Variants in CCND2 observed in about 807,000 individuals in gnomAD.
The protein encoded by CCND2 is cyclin D2.
A neutral mutation model predicts 30.2 loss-of-function variants in CCND2; 6 were observed. The observed-to-expected ratio is 0.20, with a 90% CI of 0.11 to 0.39. The LOEUF (loss-of-function observed/expected upper bound fraction) is 0.39. CCND2 is among the 10% of genes least tolerant of loss of function. The probability of loss-of-function intolerance (pLI) is 1.00; values close to 1 mark genes in which losing one functional copy is unlikely to be tolerated. For missense variants in CCND2, 235 were observed against 373.4 expected (o/e 0.63, Z 3.06); for synonymous variants, 150 against 153.1 (o/e 0.98, Z 0.15).
chr12:4,300,919 G>A lies in CCND2; in HGVS notation c.*910G>A, dbSNP rs1168419796. Reference sequence around the variant, plus strand: ...TCTTAGAAAAAAACTAATTTTTGGTGCTGATTGGCATGTCTGGTTCACAGT... The same window carrying A: ...TCTTAGAAAAAAACTAATTTTTGGTACTGATTGGCATGTCTGGTTCACAGT... On this transcript the variant is annotated 3_prime_UTR_variant, in exon 5 of 5. Transcript: ENST00000261254. The A allele has an allele frequency of 4.3e-6, 1 of 233,594 alleles. No homozygotes were observed. Among genetic ancestry groups the A allele is most frequent in the African/African-American group, 2.2e-5 (1 of 45,342 alleles). The allele number at this position is 233,594 out of a possible 1,614,324, so 14.5% of individuals were successfully genotyped here. A position where few individuals can be genotyped will look rare whatever the true frequency, so the allele number is the denominator to read the frequency against.
intron 3 of CCND2, among the ~76,000 whole-genome samples, chr12:4,286,391 G>C (rs1864022895): frequency 6.6e-6 from 1 of 152,234 alleles, no homozygotes; most frequent in Admixed American, 6.5e-5. Context: ...TCCCACGTCT[G>C]GACCTAGCTG....
chr12:4,275,969 C>A (rs201572845), intron 1 of CCND2, 36 bp from the exon 2 acceptor site: 2 of 1,237,588 alleles, frequency 1.6e-6, no homozygotes, highest in Non-Finnish European at 2.3e-6. Context: ...ATGCTCTCCA[C>A]CCCCGCCCCC....
At chr12:4,280,544 C>T (rs563713956) in intron 3 of CCND2, among the ~76,000 whole-genome samples, 1 of 152,352 alleles carries the variant, frequency 6.6e-6, no homozygotes, top group East Asian at 1.9e-4. Flanking sequence ...CCCTGTGGAC[C>T]CCTGCTGCCT....
At chr12:4,281,067 G>A (rs541694586) in intron 3 of CCND2, among the ~76,000 whole-genome samples, 1 of 152,326 alleles carries the variant, frequency 6.6e-6, no homozygotes, top group South Asian at 2.1e-4. Flanking sequence ...CAGTTATAAA[G>A]ACTGTGTTTT....
At chr12:4,278,952 G>A in intron 3 of CCND2, 33 bp downstream of exon 3, 1 of 1,589,638 alleles carries the variant, frequency 6.3e-7, no homozygotes, top group East Asian at 2.3e-5. Flanking sequence ...GAGGGAGATG[G>A]GGGAGCTCTT....
chr12:4,297,336 C>T (rs927968439), intron 4 of CCND2, among the ~76,000 whole-genome samples: 4 of 152,036 alleles, frequency 2.6e-5, no homozygotes, highest in Admixed American at 2.6e-4. Context: ...CTTCGGGAGG[C>T]CAAGGCGGGC....
chr12:4,302,017 A>G lies in CCND2; in HGVS notation c.*2008A>G. 1 of 232,454 alleles carries G rather than the reference A, an allele frequency of 4.3e-6. No homozygotes were observed. Among genetic ancestry groups the G allele is most frequent in the East Asian group, 6.1e-5 (1 of 16,514 alleles). The allele number at this position is 232,454 out of a possible 1,614,324, so 14.4% of individuals were successfully genotyped here. A position where few individuals can be genotyped will look rare whatever the true frequency, so the allele number is the denominator to read the frequency against. On this transcript the variant is annotated 3_prime_UTR_variant, in exon 5 of 5. Transcript: ENST00000261254. ...TACCTCAGGTTTACTGGACAAAATC[A>G]ATAACTACAAAAGGCAATGATTCAC...
Position 4,300,486 on chromosome 12 carries a change from C to T in CCND2, c.*477C>T. On this transcript the variant is annotated 3_prime_UTR_variant, in exon 5 of 5. Transcript: ENST00000261254. ...AAGAAGGAATTGAAATAAGGAGGGA[C>T]ATGATGGGGAAGGAGTACAAAACAA... The T allele has an allele frequency of 4.2e-6, 1 of 236,482 alleles. No homozygotes were observed. The highest frequency in any genetic ancestry group is 2.2e-5 in the African/African-American group (1 of 45,448). The allele number at this position is 236,482 out of a possible 1,614,324, so 14.6% of individuals were successfully genotyped here. A position where few individuals can be genotyped will look rare whatever the true frequency, so the allele number is the denominator to read the frequency against.
intron 3 of CCND2, among the ~76,000 whole-genome samples, chr12:4,283,694 G>A (rs1226460080): frequency 6.6e-6 from 1 of 152,248 alleles, no homozygotes; most frequent in East Asian, 1.9e-4. Flanking sequence ...ATTCCCCTAA[G>A]GTGTGTCCTT....
intron 4 of CCND2, among the ~76,000 whole-genome samples, chr12:4,297,264 G>A (rs1864183221): frequency 6.6e-6 from 1 of 152,102 alleles, no homozygotes; most frequent in South Asian, 2.1e-4. Flanking sequence ...TGAAATGCAA[G>A]TGCCCCTAGA....
chr12:4,299,965 G>A lies in CCND2; in HGVS notation c.826G>A (p.Asp276Asn), dbSNP rs2120593520. The change falls in exon 5 of 5, where the codon GAC (aspartate) becomes AAC (asparagine). Residue 276 changes from aspartate (D) to asparagine (N), a missense_variant. By Grantham distance (23) the Asp-to-Asn change is conservative. This residue lies in a region of CCND2 where 57 missense variants were observed against 50.7 expected (regional missense o/e 1.12). Coordinates refer to ENST00000261254, the MANE Select transcript of CCND2 (RefSeq NM_001759.4). The surrounding 1 kb of genome is among the most constrained non-coding windows in gnomAD (Gnocchi z 5.2). ...CGGATCCAAGTCGGAGGATGAACTG[G>A]ACCAAGCCAGCACCCCTACAGACGT... ...RDGSKSEDEL[D>N]QASTPTDVRD... The A allele has an allele frequency of 4.3e-6, 7 of 1,614,112 alleles. No individual in the cohort carries two copies. Among genetic ancestry groups the A allele is most frequent in the Non-Finnish European group, 5.9e-6 (7 of 1,180,012 alleles).
At position 4,287,404 on chromosome 12, in the gene CCND2, T is replaced by C. The variant is rs1482182944; in HGVS notation, c.572-1438T>C. ...TAGGAGAGGGGCTGGTTTTTGTAGA[T>C]TTAACCTGATTGTTTTTGCTGTAAG... On this transcript the variant is annotated intron_variant, in intron 3 of 4. Transcript: ENST00000261254. The surrounding 1 kb of genome is among the most constrained non-coding windows in gnomAD (Gnocchi z 4.0). 1.3e-5 allele frequency among the ~76,000 whole-genome samples: 2 copies of C among 152,152 alleles called. No individual in the cohort carries two copies. Among genetic ancestry groups the C allele is most frequent in the African/African-American group, 4.8e-5 (2 of 41,402 alleles).
intron 3 of CCND2, among the ~76,000 whole-genome samples, chr12:4,281,931 G>A (rs1194496671): frequency 1.3e-5 from 2 of 150,220 alleles, no homozygotes; most frequent in Non-Finnish European, 3.0e-5. Flanking sequence ...CTCTGCAGCA[G>A]GTCCTGGGCA....
rs1422694919 is a variant in CCND2 at position 4,276,616 on chromosome 12, G to T, written c.411+396G>T. Among the ~76,000 whole-genome samples, 3 of 152,168 alleles carry T rather than the reference G, an allele frequency of 2.0e-5. No homozygotes were observed. The highest frequency in any genetic ancestry group is 7.2e-5 in the African/African-American group (3 of 41,422). On this transcript the variant is annotated intron_variant, in intron 2 of 4. Transcript: ENST00000261254. This position sits in a 1 kb window ranked among gnomAD's most constrained non-coding sequence, Gnocchi z 4.8. Reference sequence around the variant, plus strand: ...AACGTGTTCACATGATAGGTATGTGGCTGTGGTGTCTCCTAAAAACTTGGA... The same window carrying T: ...AACGTGTTCACATGATAGGTATGTGTCTGTGGTGTCTCCTAAAAACTTGGA...
rs1320098937 is a variant in CCND2 at position 4,302,485 on chromosome 12, G to A, written c.*2476G>A. 1 of 232,896 alleles carries A rather than the reference G, an allele frequency of 4.3e-6. No homozygotes were observed. The highest frequency in any genetic ancestry group is 2.2e-5 in the African/African-American group (1 of 45,306). 14.4% of individuals were successfully genotyped at this position (232,896 alleles called of 1,614,324 possible). On this transcript the variant is annotated 3_prime_UTR_variant, in exon 5 of 5. Transcript: ENST00000261254. ...CTCCGTCTTTCCCCTCCCCTGGCAT[G>A]GACACCTTGTGTTTAGGATCATCTC...
At chr12:4,290,759 T>C (rs1015135199) in intron 4 of CCND2, among the ~76,000 whole-genome samples, 1 of 152,226 alleles carries the variant, frequency 6.6e-6, no homozygotes, top group African/African-American at 2.4e-5. Flanking sequence ...CTGAGTCTCT[T>C]GGCTTTTCGA....
At chr12:4,291,961 A>T (rs945536147) in intron 4 of CCND2, among the ~76,000 whole-genome samples, 1 of 152,088 alleles carries the variant, frequency 6.6e-6, no homozygotes, top group African/African-American at 2.4e-5. Flanking sequence ...AGAGGAGAGG[A>T]TGGGGAGTTA....
chr12:4,297,091 T>C (rs1475910395), intron 4 of CCND2, among the ~76,000 whole-genome samples: 1 of 152,182 alleles, frequency 6.6e-6, no homozygotes, highest in Non-Finnish European at 1.5e-5. Flanking sequence ...AAACTGATGG[T>C]ATGAGACTTG....
intron 4 of CCND2, among the ~76,000 whole-genome samples, chr12:4,296,677 C>G (rs1864173881): frequency 6.8e-6 from 1 of 147,902 alleles, no homozygotes; most frequent in African/African-American, 2.5e-5. Flanking sequence ...TATGGAGATA[C>G]TCCGATTTAG....
Sources: allele counts gnomAD v4.1 joint callset (sites outside exome capture counted in the v4.1 genomes callset), GRCh38; gene constraint gnomAD v4.1.1; regional missense constraint gnomAD v4.1.1; non-coding constraint Gnocchi (gnomAD v3.1); transcripts MANE v1.5; gene names NCBI Gene and HGNC (gene_info 2026-07-23, HGNC 2026-07-21).